Variants in SORBS2 observed in about 807,000 individuals in gnomAD.
SORBS2 encodes the protein sorbin and SH3 domain containing 2, also known as sorbin and SH3 domain-containing protein 2.
SORBS2 carries 46 observed loss-of-function variants against 97.7 expected under a neutral mutation model. That is an observed-to-expected ratio of 0.47 (90% CI 0.37 to 0.60). The LOEUF (loss-of-function observed/expected upper bound fraction) is 0.60, where lower values mean the gene tolerates loss of function less well. SORBS2 is among the 20% of genes least tolerant of loss of function. SORBS2 has a pLI of 0.00. For synonymous variants in SORBS2, 476 were observed against 473.4 expected, an observed-to-expected ratio of 1.01 and a Z score of -0.07; for missense variants, 1,316 against 1,282.3, an observed-to-expected ratio of 1.03 and a Z score of -0.40.
intron 12 of SORBS2, among the ~76,000 whole-genome samples, chr4:185,609,377 G>A (rs2096494056): frequency 6.6e-6 from 1 of 152,110 alleles, no homozygotes; most frequent in South Asian, 2.1e-4. Flanking sequence ...ATGTAGATGA[G>A]AAAGAAAGAT....
chr4:185,813,974 A>G (rs926007396), intron 1 of SORBS2, among the ~76,000 whole-genome samples: 6 of 152,074 alleles, frequency 3.9e-5, no homozygotes, highest in African/African-American at 1.4e-4. Context: ...TAATTTCTCA[A>G]TGCCTCTAAA....
chr4:185,940,162 G>T (rs1374102319), intron 1 of SORBS2, among the ~76,000 whole-genome samples: 1 of 151,978 alleles, frequency 6.6e-6, no homozygotes, highest in Non-Finnish European at 1.5e-5. Flanking sequence ...CTCTCCTTTG[G>T]TGATCTCAGA....
intron 1 of SORBS2, among the ~76,000 whole-genome samples, chr4:185,777,653 C>A (rs2099006434): frequency 6.6e-6 from 1 of 152,152 alleles, no homozygotes; most frequent in Admixed American, 6.5e-5. Context: ...TCAGTACCAT[C>A]ATCTCTGCTG....
intron 1 of SORBS2, among the ~76,000 whole-genome samples, chr4:185,807,474 A>G (rs2099161778): frequency 6.6e-6 from 1 of 152,152 alleles, no homozygotes. Flanking sequence ...TACTTGGTAA[A>G]CTAGTATATT....
At chr4:185,844,380 G>A (rs1011347112) in intron 1 of SORBS2, among the ~76,000 whole-genome samples, 4 of 152,160 alleles carry the variant, frequency 2.6e-5, no homozygotes, top group Non-Finnish European at 5.9e-5. Context: ...GGTCACCAGT[G>A]AAATGCAAAA....
At chr4:185,888,735 C>T (rs2099240942) in intron 1 of SORBS2, among the ~76,000 whole-genome samples, 1 of 152,166 alleles carries the variant, frequency 6.6e-6, no homozygotes, top group South Asian at 2.1e-4. Context: ...ATGGTGTGGC[C>T]CCAGCAGCCT....
At chr4:185,932,463 A>G (rs1042723905) in intron 1 of SORBS2, among the ~76,000 whole-genome samples, 20 of 152,176 alleles carry the variant, frequency 1.3e-4, no homozygotes, top group Non-Finnish European at 2.4e-4. Context: ...TACTGTTATC[A>G]TTAACAACAA....
chr4:185,632,430 G>C (rs549928817), intron 4 of SORBS2, among the ~76,000 whole-genome samples: 1 of 152,174 alleles, frequency 6.6e-6, no homozygotes, highest in African/African-American at 2.4e-5. Flanking sequence ...TGTGTACATG[G>C]TTATTTTAAT....
rs541366535 is a variant in SORBS2 at position 185,892,286 on chromosome 4, T to C, written c.-338+63910A>G. Among the ~76,000 whole-genome samples, 8 of 152,340 alleles carry C rather than the reference T, an allele frequency of 5.3e-5. No homozygotes were observed. In the South Asian group the frequency reaches 1.7e-3, roughly 32 times the overall value. ...CAGCTATGAAGGAACTTGGGAGTTG[T>C]TAATGTTCTAGAATTGCATCATGTA... On this transcript the variant is annotated intron_variant, in intron 1 of 20. Coordinates refer to the SORBS2 transcript ENST00000284776.
At chr4:185,694,983 A>G (rs1582911334) in intron 2 of SORBS2, among the ~76,000 whole-genome samples, 1 of 151,590 alleles carries the variant, frequency 6.6e-6, no homozygotes. Context: ...GGGATTACAG[A>G]TGTGAGCCAC....
chr4:185,891,744 C>G (rs998870191), intron 1 of SORBS2, among the ~76,000 whole-genome samples: 11 of 152,172 alleles, frequency 7.2e-5, no homozygotes, highest in Non-Finnish European at 1.6e-4. Flanking sequence ...TGTGGCCAGT[C>G]TTGTGCCAAT....
At chr4:185,612,128 G>C in intron 11 of SORBS2, 148 bp from the exon 24 acceptor site, 1 of 610,130 alleles carries the variant, frequency 1.6e-6, no homozygotes, top group Non-Finnish European at 2.9e-6. Context: ...GGCAAGTAAG[G>C]TACTAGTGCT....
At chr4:185,934,450 T>C (rs2099267931) in intron 1 of SORBS2, among the ~76,000 whole-genome samples, 1 of 151,962 alleles carries the variant, frequency 6.6e-6, no homozygotes, top group Non-Finnish European at 1.5e-5. Flanking sequence ...CAATATGAGA[T>C]TTTACATATT....
chr4:185,731,864 CTCTATATATATATATATATA>C (rs1419277488), intron 2 of SORBS2, among the ~76,000 whole-genome samples: 697 of 28,990 alleles, frequency 0.024, 7 homozygotes, highest in Middle Eastern at 0.037. Flanking sequence ...CTCTCTCTCT[CTCTATATATATATATATATA>C]TATATATATA....
intron 1 of SORBS2, among the ~76,000 whole-genome samples, chr4:185,833,342 A>C (rs2099206165): frequency 6.6e-6 from 1 of 152,236 alleles, no homozygotes; most frequent in African/African-American, 2.4e-5. Flanking sequence ...GCAAAGCTTA[A>C]GCATTCCAGA....
intron 1 of SORBS2, among the ~76,000 whole-genome samples, chr4:185,886,566 AAAAAAAAGAAAAG>A (rs2099239703): frequency 1.4e-5 from 2 of 145,736 alleles, no homozygotes; most frequent in Non-Finnish European, 1.5e-5. Flanking sequence ...AAAAAAAAAA[AAAAAAAAGAAAAG>A]AAAAAAAAAA....
At chr4:185,845,885 A>T (rs2099214251) in intron 1 of SORBS2, among the ~76,000 whole-genome samples, 1 of 152,188 alleles carries the variant, frequency 6.6e-6, no homozygotes, top group African/African-American at 2.4e-5. Context: ...CAAAATATAA[A>T]CAAAACAAAA....
intron 1 of SORBS2, among the ~76,000 whole-genome samples, chr4:185,886,554 C>CAAA (rs1198439527): frequency 0.12 from 8,702 of 72,610 alleles, 556 homozygotes; most frequent in African/African-American, 0.18. Context: ...GACTCTGTCT[C>CAAA]AAAAAAAAAA....
intron 5 of SORBS2, among the ~76,000 whole-genome samples, chr4:185,628,911 T>C (rs1581319643): frequency 6.6e-6 from 1 of 152,232 alleles, no homozygotes; most frequent in African/African-American, 2.4e-5. Flanking sequence ...CCAATGTTAA[T>C]GAATGAAGCC....
Sources: allele counts gnomAD v4.1 joint callset (sites outside exome capture counted in the v4.1 genomes callset), GRCh38; gene constraint gnomAD v4.1.1; transcripts MANE v1.5; gene names NCBI Gene and HGNC (gene_info 2026-07-23, HGNC 2026-07-21).